The following NOTCH1 variants were observed in gnomAD, a reference collection of about 807,000 sequenced individuals.
NOTCH1 encodes the protein notch receptor 1, also known as neurogenic locus notch homolog protein 1.
A neutral mutation model predicts 254.8 loss-of-function variants in NOTCH1; 37 were observed. The observed-to-expected ratio is 0.15, with a 90% confidence interval of 0.11 to 0.19. The LOEUF is 0.19. NOTCH1 is among the 10% of genes least tolerant of loss of function. The pLI is 1.00. For missense variants in NOTCH1, 2,972 were observed against 3,708.6 expected (o/e 0.80, Z 5.16); for synonymous variants, 1,731 against 1,618.1 (o/e 1.07, Z -1.68).
At chr9:136,500,106 C>T (rs1050124046) in intron 31 of NOTCH1, among the ~76,000 whole-genome samples, 26 of 152,312 alleles carry the variant, frequency 1.7e-4, no homozygotes, top group African/African-American at 6.0e-4. Context: ...ACGAGCTCAC[C>T]GGCAAGCTGA....
At chr9:136,515,785 C>A (rs1048823399) in intron 10 of NOTCH1, 69 bp from the exon 11 acceptor site, 181 of 1,410,502 alleles carry the variant, frequency 1.3e-4, no homozygotes, top group Non-Finnish European at 1.6e-4. Context: ...CATGACCAGA[C>A]CTGGGGTCAC....
intron 9 of NOTCH1, among the ~76,000 whole-genome samples, chr9:136,516,630 C>T (rs961763075): frequency 9.9e-5 from 15 of 152,130 alleles, no homozygotes; most frequent in Non-Finnish European, 2.2e-4. Flanking sequence ...CAGGACAGGG[C>T]AGGCTGGCCT....
At chr9:136,509,107 G>A (rs887319420) in intron 18 of NOTCH1, 36 bp from the exon 19 acceptor site, 5 of 1,520,256 alleles carry the variant, frequency 3.3e-6, no homozygotes, top group Non-Finnish European at 4.5e-6. Context: ...CTGAGTGGAG[G>A]GCATTGGTGG....
At position 136,515,370 on chromosome 9, in the gene NOTCH1, C is replaced by G. The variant is rs2133362733; in HGVS notation, c.1934G>C (p.Cys645Ser). 6.2e-7 allele frequency: 1 copy of G among 1,613,032 alleles called. No individual in the cohort carries two copies. Among genetic ancestry groups the G allele is most frequent in the Non-Finnish European group, 8.5e-7 (1 of 1,179,992 alleles). Residue 645 changes from cysteine (C) to serine (S), a missense_variant, in exon 12 of 34, where the codon TGT (cysteine) becomes TCT (serine). By Grantham distance (112) the Cys-to-Ser change is moderately radical. Coordinates refer to ENST00000651671, the MANE Select transcript of NOTCH1 (RefSeq NM_017617.5). ...GPNCEINLDD[C>S]ASSPCDSGTC... is the part of the protein sequence containing the mutation. The stretch of plus-strand genomic sequence containing the variant: ...GCCCGAGTCGCAGGGGCTGCTGGCA[C>G]AGTCATCCAGGTTGATCTCGCAGTT...
intron 6 of NOTCH1, 115 bp downstream of exon 6, chr9:136,518,476 A>G (rs1843313987): frequency 1.8e-6 from 2 of 1,129,722 alleles, no homozygotes; most frequent in South Asian, 2.7e-5. Context: ...CTGACCAGAA[A>G]GGCCCTTTCA....
chr9:136,513,340 T>A lies in NOTCH1; in HGVS notation c.2353+52A>T. 1 of 1,610,604 alleles carries A rather than the reference T, an allele frequency of 6.2e-7. No individual in the cohort carries two copies. The highest frequency in any genetic ancestry group is 8.5e-7 in the Non-Finnish European group (1 of 1,179,426). On this transcript the variant is annotated intron_variant, in intron 14 of 33. Coordinates refer to ENST00000651671, the MANE Select transcript of NOTCH1 (RefSeq NM_017617.5). This position sits in a 1 kb window ranked among gnomAD's most constrained non-coding sequence, Gnocchi z 4.7. ...TGGGTCCCGATCCTGTGTCTCCAGC[T>A]CCCCAGACTCGAGGGCGGCCCTCTG...
intron 2 of NOTCH1, among the ~76,000 whole-genome samples, chr9:136,536,433 G>A (rs769612422): frequency 6.6e-6 from 1 of 152,190 alleles, no homozygotes; most frequent in African/African-American, 2.4e-5. Flanking sequence ...GAGGGTCCAG[G>A]GGGAGAAGCA....
At chr9:136,514,799 C>T in intron 12 of NOTCH1, 97 bp from the exon 13 acceptor site, 6 of 1,231,372 alleles carry the variant, frequency 4.9e-6, no homozygotes, top group Non-Finnish European at 7.0e-6. Flanking sequence ...GGGCGATCAC[C>T]CTTCTGGCCA....
intron 31 of NOTCH1, 66 bp from the exon 32 acceptor site, chr9:136,499,325 C>T (rs780047493): frequency 2.3e-5 from 37 of 1,584,428 alleles, no homozygotes; most frequent in South Asian, 1.0e-4. Flanking sequence ...CTGCCCAGAA[C>T]GAACGCCTGG....
At chr9:136,544,911 AGGGGGGTGTGACAC>A (rs1843790783) in intron 1 of NOTCH1, among the ~76,000 whole-genome samples, 2 of 151,670 alleles carry the variant, frequency 1.3e-5, no homozygotes, top group Admixed American at 1.3e-4. Flanking sequence ...GAAACGGGGG[AGGGGGGTGTGACAC>A]AGAGCCGCAC....
At chr9:136,501,623 G>A (rs1051850225) in intron 30 of NOTCH1, 125 bp downstream of exon 30, 1 of 1,188,820 alleles carries the variant, frequency 8.4e-7, no homozygotes, top group Non-Finnish European at 1.2e-6. Context: ...AACACCCCAA[G>A]GATGAAAGCT....
intron 21 of NOTCH1, among the ~76,000 whole-genome samples, chr9:136,507,677 G>A (rs1224580097): frequency 6.6e-6 from 1 of 152,200 alleles, no homozygotes; most frequent in Admixed American, 6.5e-5. Context: ...TAGGATAGAG[G>A]TGAGGGCCTC....
intron 4 of NOTCH1, 185 bp from the exon 5 acceptor site, chr9:136,519,750 T>C: frequency 2.6e-6 from 2 of 781,976 alleles, no homozygotes; most frequent in Non-Finnish European, 4.3e-6. Context: ...CTTGAAAGAA[T>C]CATTTTGGAC....
In NOTCH1 at chr9:136,496,839, C is replaced by G; in HGVS notation, c.6900G>C (p.Gly2300=). The change falls in exon 34 of 34, where the codon GGG becomes GGC. Residue 2300 remains glycine (G), a synonymous_variant. Transcript: ENST00000651671. ...CGCATTGACCATTCAAACTGGTGGA[C>G]CCGCCCACAGTGAAATTCAGGGCCC... ...SGGALNFTVG[G]STSLNGQCEW... 6.2e-7 allele frequency: 1 copy of G among 1,612,968 alleles called. No homozygotes were observed. The highest frequency in any genetic ancestry group is 8.5e-7 in the Non-Finnish European group (1 of 1,180,004).
At position 136,523,902 on chromosome 9, in the gene NOTCH1, G is replaced by A. The variant is rs1843417676; in HGVS notation, c.218C>T (p.Thr73Ile). 6.2e-7 allele frequency: 1 copy of A among 1,606,558 alleles called. No homozygotes were observed. Among genetic ancestry groups the A allele is most frequent in the South Asian group, 1.1e-5 (1 of 89,850 alleles). The change falls in exon 3 of 34, where the codon ACA becomes ATA. Residue 73 changes from threonine to isoleucine, a missense_variant. Physicochemically the swap from Thr to Ile is moderately conservative, Grantham distance 89. Coordinates refer to ENST00000651671, the MANE Select transcript of NOTCH1 (RefSeq NM_017617.5). ...GCCTCTGCGGTCCACCACGTGGCAT[G>A]TCCCGGCGTTCTTGCAGGGGGTGCT... ...CLSTPCKNAG[T>I]CHVVDRRGVA...
chr9:136,510,389 G>A (rs533516700), intron 17 of NOTCH1: 32 of 592,974 alleles, frequency 5.4e-5, no homozygotes, highest in African/African-American at 5.4e-4. Flanking sequence ...GGCCGGGCCC[G>A]AGCCATCCTC....
At position 136,495,047 on chromosome 9, in the gene NOTCH1, G is replaced by A. The variant is rs1014317474; in HGVS notation, c.*1024C>T. The A allele has an allele frequency of 3.5e-5, 14 of 398,908 alleles. No individual in the cohort carries two copies. The highest frequency in any genetic ancestry group is 8.8e-5 in the Admixed American group (2 of 22,726). 24.7% of individuals were successfully genotyped at this position (398,908 alleles called of 1,614,324 possible). ...TACAAAACACGGGAGCCCACGGGGG[G>A]TCGGGTCCCGCGAGCTGGGGCCCAG... On this transcript the variant is annotated 3_prime_UTR_variant, in exon 34 of 34. Coordinates refer to ENST00000651671, the MANE Select transcript of NOTCH1 (RefSeq NM_017617.5).
rs766577980 is a variant in NOTCH1 at position 136,515,327 on chromosome 9, G to T, written c.1977C>A (p.Ile659=). Residue 659 remains isoleucine (I), a synonymous_variant, in exon 12 of 34, where the codon ATC becomes ATA. Transcript: ENST00000651671. ...GCTCACAGGCACACTCGTAGCCATC[G>T]ATCTTGTCCAGACAGGTGCCCGAGT... ...PCDSGTCLDK[I]DGYECACEPG... 8.7e-6 allele frequency: 14 copies of T among 1,612,910 alleles called. No homozygotes were observed. The highest frequency in any genetic ancestry group is 1.2e-5 in the Non-Finnish European group (14 of 1,180,012).
At chr9:136,518,094 G>A (rs2133369553) in intron 7 of NOTCH1, 43 bp downstream of exon 7, 2 of 1,560,972 alleles carry the variant, frequency 1.3e-6, no homozygotes, top group African/African-American at 1.4e-5. Context: ...CTGGGGCCAG[G>A]CTGCCACCCC....
Sources: gnomAD v4.1 joint callset for allele counts (sites outside exome capture counted in the v4.1 genomes callset) on GRCh38, gnomAD v4.1.1 for gene constraint, Gnocchi (gnomAD v3.1) non-coding constraint, MANE v1.5 for transcripts, NCBI Gene and HGNC (gene_info 2026-07-23, HGNC 2026-07-21) for gene names.